Variants in ACADM observed in about 807,000 individuals in gnomAD.
ACADM encodes acyl-CoA dehydrogenase medium chain.
In ACADM, 49 loss-of-function variants were observed where a neutral mutation model predicts 58.9. The observed-to-expected ratio is 0.83, with a 90% CI of 0.66 to 1.06. The LOEUF (loss-of-function observed/expected upper bound fraction) is 1.06. Among genes scored for constraint, ACADM ranks in the 50% least tolerant of loss-of-function variants. The pLI is 0.00. For missense variants in ACADM, 496 were observed against 507.0 expected, an observed-to-expected ratio of 0.98 and a Z score of 0.21; for synonymous variants, 160 against 157.7, an observed-to-expected ratio of 1.01 and a Z score of -0.11.
At chr1:75,746,849 T>C (rs916300862) in intron 8 of ACADM, among the ~76,000 whole-genome samples, 1 of 152,106 alleles carries the variant, frequency 6.6e-6, no homozygotes, top group African/African-American at 2.4e-5. Flanking sequence ...TCCTCCCACC[T>C]TGGCCCCCTA....
At chr1:75,743,507 G>A (rs1647700861) in intron 7 of ACADM, 10 of 1,609,042 alleles carry the variant, frequency 6.2e-6, no homozygotes, top group Admixed American at 1.7e-5. Context: ...TCAATCAGCC[G>A]GTGATCATAG....
At chr1:75,748,119 A>G (rs986019584) in intron 8 of ACADM, among the ~76,000 whole-genome samples, 1 of 152,088 alleles carries the variant, frequency 6.6e-6, no homozygotes, top group Non-Finnish European at 1.5e-5. Flanking sequence ...TTTTTTCCTT[A>G]TTAAGAGTTA....
chr1:75,737,440 C>T (rs1295151254), intron 6 of ACADM, among the ~76,000 whole-genome samples: 2 of 151,106 alleles, frequency 1.3e-5, no homozygotes, highest in African/African-American at 4.9e-5. Context: ...AAAAACTTCA[C>T]TGTATTATGA....
intron 7 of ACADM, 114 bp downstream of exon 7, chr1:75,740,224 G>T (rs1043749583): frequency 9.2e-7 from 1 of 1,091,552 alleles, no homozygotes; most frequent in Middle Eastern, 3.0e-4. Flanking sequence ...TGTGGAACTG[G>T]AAGGCCTAAA....
chr1:75,740,349 G>C (rs1012531254), intron 7 of ACADM, among the ~76,000 whole-genome samples: 1 of 152,138 alleles, frequency 6.6e-6, no homozygotes, highest in Admixed American at 6.6e-5. Context: ...TGCGTGCTCT[G>C]TTTGAATCTG....
chr1:75,736,173 T>TACACAC (rs10647103), intron 6 of ACADM, among the ~76,000 whole-genome samples: 58,066 of 144,294 alleles, frequency 0.4, 12,040 homozygotes, highest in Middle Eastern at 0.56. Flanking sequence ...CACACAGACA[T>TACACAC]ACACACACAC....
Position 75,732,712 on chromosome 1 carries a change from G to C in ACADM, c.187G>C (p.Val63Leu), listed in dbSNP as rs149308824. Residue 63 changes from valine (V) to leucine (L), a missense_variant, in exon 3 of 12, where the codon GTG (valine) becomes CTG (leucine). By Grantham distance (32) the Val-to-Leu change is conservative (BLOSUM62 1). Coordinates refer to ENST00000370841, the MANE Select transcript of ACADM (RefSeq NM_000016.6). ...ATTTGCCAGAGAGGAAATCATCCCA[G>C]TGGCTGCAGAATATGATAAAACTGG... ...RKFAREEIIPVAAEYDKTGEY... is the reference protein window; with the variant it reads ...RKFAREEIIPLAAEYDKTGEY... The C allele has an allele frequency of 3.7e-5, 60 of 1,614,028 alleles. No individual in the cohort carries two copies. In the African/African-American group the frequency reaches 5.9e-4, roughly 16 times the overall value.
chr1:75,750,653 C>G, intron 10 of ACADM, 107 bp downstream of exon 10: 1 of 794,814 alleles, frequency 1.3e-6, no homozygotes. Context: ...ACTTTGATAG[C>G]AAGAAGATAA....
chr1:75,760,477 T>C (rs1648772147), intron 10 of ACADM, among the ~76,000 whole-genome samples: 1 of 131,460 alleles, frequency 7.6e-6, no homozygotes, highest in African/African-American at 2.9e-5. Flanking sequence ...GGAGGGTCGT[T>C]GAGGCTGCAG....
intron 4 of ACADM, 22 bp downstream of exon 4, chr1:75,732,944 A>C: frequency 6.2e-7 from 1 of 1,612,994 alleles, no homozygotes; most frequent in Non-Finnish European, 8.5e-7. Flanking sequence ...TTATATTTTT[A>C]ATACTGGAAT....
Position 75,758,887 on chromosome 1 carries a change from A to G in ACADM, c.946-2235A>G, listed in dbSNP as rs1648665109. The stretch of plus-strand genomic sequence containing the variant: ...TAAGGGAATAAAAACTGGCCACCCC[A>G]GCCTGCAGCGGCAACCTGCTTTGGT... On this transcript the variant is annotated intron_variant, in intron 10 of 11. Transcript: ENST00000370841. Among the ~76,000 whole-genome samples the G allele has an allele frequency of 2.0e-5, 3 of 152,248 alleles. No homozygotes were observed. In the South Asian group the frequency reaches 6.2e-4, roughly 31 times the overall value.
Position 75,732,920 on chromosome 1 carries a change from G to A in ACADM, c.284G>A (p.Cys95Tyr). The A allele has an allele frequency of 1.2e-6, 2 of 1,613,834 alleles. No individual in the cohort carries two copies. Among genetic ancestry groups the A allele is most frequent in the South Asian group, 1.1e-5 (1 of 91,048 alleles). ...GLMNTHIPEN[C>Y]GGLGLGTFDA... ...ATGAACACACACATTCCAGAGAACT[G>A]TGGTAAGCTTTCTTTATATTTTTAA... Residue 95 changes from cysteine (C) to tyrosine (Y), a missense_variant and splice_region_variant, in exon 4 of 12, where the codon TGT (cysteine) becomes TAT (tyrosine). Transcript: ENST00000370841.
intron 6 of ACADM, among the ~76,000 whole-genome samples, chr1:75,739,379 C>T (rs1647441122): frequency 6.6e-6 from 1 of 152,162 alleles, no homozygotes; most frequent in Non-Finnish European, 1.5e-5. Context: ...AGTAGATATT[C>T]AATACATGTT....
rs1648822448 is a variant in ACADM, at chr1:75,761,119, T to TA, written c.946-2dup. On this transcript the variant is annotated splice_region_variant and splice_polypyrimidine_tract_variant and intron_variant, in intron 10 of 11. Coordinates refer to ENST00000370841, the MANE Select transcript of ACADM (RefSeq NM_000016.6). ...CCTTTAATTTTTTTCTTTTTAATTC[T>TA]AGCACCAAGCAATATCATTTATGCT... 1 of 1,613,684 alleles carries TA rather than the reference T, an allele frequency of 6.2e-7. No individual in the cohort carries two copies. The highest frequency in any genetic ancestry group is 1.7e-5 in the Admixed American group (1 of 60,016).
intron 10 of ACADM, among the ~76,000 whole-genome samples, chr1:75,759,424 G>A (rs1383291362): frequency 6.6e-6 from 1 of 152,126 alleles, no homozygotes; most frequent in Non-Finnish European, 1.5e-5. Flanking sequence ...GAGATCCCAA[G>A]GAATTTAGGA....
intron 10 of ACADM, among the ~76,000 whole-genome samples, chr1:75,757,464 A>G (rs1394021039): frequency 6.6e-6 from 1 of 152,244 alleles, no homozygotes; most frequent in Non-Finnish European, 1.5e-5. Flanking sequence ...AATGCTCATC[A>G]TCACTGGCCA....
At chr1:75,731,365 T>G (rs1647147697) in intron 2 of ACADM, among the ~76,000 whole-genome samples, 2 of 150,722 alleles carry the variant, frequency 1.3e-5, no homozygotes. Flanking sequence ...GTATTGTTTC[T>G]CACATCCCCA....
At chr1:75,737,279 A>AATATATGTATATATAT (rs1647303533) in intron 6 of ACADM, among the ~76,000 whole-genome samples, 1 of 43,126 alleles carries the variant, frequency 2.3e-5, no homozygotes, top group Non-Finnish European at 4.0e-5. Context: ...CACACACACA[A>AATATATGTATATATAT]ATATATATAT....
intron 10 of ACADM, among the ~76,000 whole-genome samples, chr1:75,756,584 A>C (rs1339016798): frequency 1.3e-5 from 2 of 152,248 alleles, no homozygotes; most frequent in African/African-American, 4.8e-5. Context: ...GTGGAAGAAC[A>C]TTCCATGCTC....
Sources: gnomAD v4.1 joint callset for allele counts (sites outside exome capture counted in the v4.1 genomes callset) on GRCh38, gnomAD v4.1.1 for gene constraint, MANE v1.5 for transcripts, NCBI Gene and HGNC (gene_info 2026-07-23, HGNC 2026-07-21) for gene names.